FERMT3: variants seen among roughly 807,000 people sequenced by gnomAD.
The protein encoded by FERMT3 is FERM domain containing kindlin 3.
In FERMT3, 33 loss-of-function variants were observed where a neutral mutation model predicts 80.8. The observed-to-expected ratio is 0.41, with a 90% CI of 0.31 to 0.55. FERMT3 has a LOEUF of 0.55. Ranked by LOEUF, FERMT3 falls within the 20% of genes least tolerant of loss-of-function variation. FERMT3 has a pLI of 0.31. For synonymous variants in FERMT3, 375 were observed against 372.2 expected (o/e 1.01, Z -0.09); for missense variants, 754 against 908.7 (o/e 0.83, Z 2.19).
Position 64,219,613 on chromosome 11 carries a change from C to A in FERMT3, c.984C>A (p.Ser328Arg), listed in dbSNP as rs1370150660. 2 of 1,612,992 alleles carry A rather than the reference C, an allele frequency of 1.2e-6. No homozygotes were observed. Among genetic ancestry groups the A allele is most frequent in the Non-Finnish European group, 1.7e-6 (2 of 1,179,978 alleles). ...PGLDDLDVALSNLEVKLEGSA... is the reference protein window; with the variant it reads ...PGLDDLDVALRNLEVKLEGSA... ...TGGACGACCTGGATGTGGCCCTGAG[C>A]AACCTGGAGGTGAAGCTGGAGGGGT... is the stretch of plus-strand genomic sequence containing the variant. Residue 328 changes from serine (S) to arginine (R), a missense_variant, in exon 8 of 15, where the codon AGC becomes AGA. Ser to Arg is a moderately radical substitution (Grantham distance 110). Coordinates refer to ENST00000345728, the MANE Select transcript of FERMT3 (RefSeq NM_031471.6). The surrounding 1 kb of genome is among the most constrained non-coding windows in gnomAD (Gnocchi z 4.0).
chr11:64,221,826 CTG>C (rs1223261367), intron 13 of FERMT3, among the ~76,000 whole-genome samples: 1 of 152,034 alleles, frequency 6.6e-6, no homozygotes, highest in Non-Finnish European at 1.5e-5. Flanking sequence ...ACTCAGGAGA[CTG>C]AGGCAGGAGA....
At chr11:64,214,824 G>C (rs563113613) in intron 6 of FERMT3, among the ~76,000 whole-genome samples, 1 of 144,140 alleles carries the variant, frequency 6.9e-6, no homozygotes, top group East Asian at 2.1e-4. Flanking sequence ...TTTTTTGAGA[G>C]GGAGTTTCAT....
Position 64,211,786 on chromosome 11 carries a change from G to A in FERMT3, c.786+39G>A. The A allele has an allele frequency of 1.3e-6, 2 of 1,588,096 alleles. No homozygotes were observed. Among genetic ancestry groups the A allele is most frequent in the East Asian group, 2.2e-5 (1 of 44,758 alleles). On this transcript the variant is annotated intron_variant, in intron 6 of 14. Coordinates refer to ENST00000345728, the MANE Select transcript of FERMT3 (RefSeq NM_031471.6). The surrounding 1 kb of genome is among the most constrained non-coding windows in gnomAD (Gnocchi z 4.7). ...GGGAGAAAGCGGGCCTCAGGTCCAT[G>A]AGATGTGGAGACCTAGGGCCTGGGG...
In FERMT3 at chr11:64,210,292, G is replaced by T. The variant is rs36095472; in HGVS notation, c.161-319G>T. Among the ~76,000 whole-genome samples the T allele has an allele frequency of 6.2e-3, 891 of 142,934 alleles. 14 individuals are homozygous for T. The highest frequency in any genetic ancestry group is 0.02 in the African/African-American group (830 of 40,576). 93.8% of individuals were successfully genotyped at this position (142,934 alleles called of 152,430 possible). A position where few individuals can be genotyped will look rare whatever the true frequency, so the allele number is the denominator to read the frequency against. On this transcript the variant is annotated intron_variant, in intron 2 of 14. Coordinates refer to ENST00000345728, the MANE Select transcript of FERMT3 (RefSeq NM_031471.6). This position sits in a 1 kb window ranked among gnomAD's most constrained non-coding sequence, Gnocchi z 4.3. ...CCGTGGATTATGGGAGGACAGAGGG[G>T]GCGTCATGTGGAGGGAGCCCAGTGG... is the stretch of plus-strand genomic sequence containing the variant.
At chr11:64,207,668 C>T (rs1946343318) in intron 2 of FERMT3, 144 bp downstream of exon 2, 1 of 1,010,088 alleles carries the variant, frequency 9.9e-7, no homozygotes, top group Non-Finnish European at 1.4e-6. Context: ...CATTTGGTTC[C>T]AAAAAAGACA....
At chr11:64,208,850 T>C (rs971459734) in intron 2 of FERMT3, among the ~76,000 whole-genome samples, 1 of 152,018 alleles carries the variant, frequency 6.6e-6, no homozygotes, top group African/African-American at 2.4e-5. Flanking sequence ...CCCGAAGGCC[T>C]CCAGAAGGGG....
At position 64,207,596 on chromosome 11, in the gene FERMT3, G is replaced by A. The variant is rs188350808; in HGVS notation, c.160+72G>A. 109 of 1,535,322 alleles carry A rather than the reference G, an allele frequency of 7.1e-5. 1 individual carries two copies. In the South Asian group the frequency reaches 1.1e-3, roughly 15 times the overall value. ...GCCACGGGTGTCTCTGGGCACTTCC[G>A]GGCCATCCCTGCTGCTCAGCTCCCG... is the stretch of plus-strand genomic sequence containing the variant. On this transcript the variant is annotated intron_variant, in intron 2 of 14. Coordinates refer to ENST00000345728, the MANE Select transcript of FERMT3 (RefSeq NM_031471.6).
chr11:64,215,901 G>C (rs1035852735), intron 6 of FERMT3, among the ~76,000 whole-genome samples: 1 of 151,152 alleles, frequency 6.6e-6, no homozygotes, highest in Non-Finnish European at 1.5e-5. Context: ...GTACGATCTC[G>C]GCTTACTGCA....
chr11:64,211,167 T>C lies in FERMT3; in HGVS notation c.510T>C (p.Ala170=), dbSNP rs1358313298. The change falls in exon 4 of 15, where the codon GCT becomes GCC. Residue 170 remains alanine (A), a synonymous_variant. Transcript: ENST00000345728. The surrounding 1 kb of genome is among the most constrained non-coding windows in gnomAD (Gnocchi z 4.7). ...ATGACTTGAGCAAGGTTGTCTTGGC[T>C]GGGGGTGAGTGCAAGTGGGGGTGGG... The part of the protein sequence containing the change: ...ELYDLSKVVL[A]GGVAPALFRG... 7 of 618,090 alleles carry C rather than the reference T, an allele frequency of 1.1e-5. No homozygotes were observed. The highest frequency in any genetic ancestry group is 1.4e-5 in the Non-Finnish European group (7 of 502,656). The allele number at this position is 618,090 out of a possible 1,614,324, so 38.3% of individuals were successfully genotyped here. A position where few individuals can be genotyped will look rare whatever the true frequency, so the allele number is the denominator to read the frequency against.
chr11:64,223,281 A>G, intron 14 of FERMT3, 32 bp from the exon 15 acceptor site: 2 of 1,613,314 alleles, frequency 1.2e-6, no homozygotes, highest in South Asian at 2.2e-5. Context: ...CCCTTATCCC[A>G]CCCACCATTT....
At position 64,211,152 on chromosome 11, in the gene FERMT3, C is replaced by T; in HGVS notation, c.495C>T (p.Ser165=). 6.6e-7 allele frequency: 1 copy of T among 1,522,090 alleles called. No individual in the cohort carries two copies. The highest frequency in any genetic ancestry group is 8.8e-7 in the Non-Finnish European group (1 of 1,133,004). The allele number at this position is 1,522,090 out of a possible 1,614,324, so 94.3% of individuals were successfully genotyped here. ...CAGAGGAAGAGCTCTATGACTTGAG[C>T]AAGGTTGTCTTGGCTGGGGGTGAGT... ...KEPEEELYDL[S]KVVLAGGVAP... The change falls in exon 4 of 15, where the codon AGC becomes AGT. Residue 165 remains serine (S), a synonymous_variant. Coordinates refer to ENST00000345728, the MANE Select transcript of FERMT3 (RefSeq NM_031471.6). The surrounding 1 kb of genome is among the most constrained non-coding windows in gnomAD (Gnocchi z 4.7).
In FERMT3 at chr11:64,211,583, C is replaced by G; in HGVS notation, c.684-62C>G. 1 of 1,563,802 alleles carries G rather than the reference C, an allele frequency of 6.4e-7. No individual in the cohort carries two copies. Among genetic ancestry groups the G allele is most frequent in the Non-Finnish European group, 8.7e-7 (1 of 1,150,452 alleles). ...GTGTGCTTGTCCCCCCAGCCCAGCC[C>G]CCCTCCCCACCCCACGGCCGTACCT... On this transcript the variant is annotated intron_variant, in intron 5 of 14. Transcript: ENST00000345728. The surrounding 1 kb of genome is among the most constrained non-coding windows in gnomAD (Gnocchi z 4.7).
intron 13 of FERMT3, among the ~76,000 whole-genome samples, chr11:64,222,076 T>C (rs1254356176): frequency 6.6e-6 from 1 of 150,768 alleles, no homozygotes; most frequent in Non-Finnish European, 1.5e-5. Flanking sequence ...CTGTATCTAC[T>C]AAAAATACAA....
In FERMT3 at chr11:64,209,240, A is replaced by G. The variant is rs370362597; in HGVS notation, c.161-1371A>G. ...GCTCCAAAAGCCGAGACCAGGAGTC[A>G]TGGTGCTTACAGTCCCAGTGTCAGC... On this transcript the variant is annotated intron_variant, in intron 2 of 14. Transcript: ENST00000345728. Among the ~76,000 whole-genome samples the G allele has an allele frequency of 1.9e-4, 29 of 152,326 alleles. No homozygotes were observed. In the East Asian group the frequency reaches 3.5e-3, roughly 18 times the overall value.
intron 6 of FERMT3, among the ~76,000 whole-genome samples, chr11:64,212,455 G>A (rs578153295): frequency 6.6e-6 from 1 of 152,194 alleles, no homozygotes; most frequent in South Asian, 2.1e-4. Flanking sequence ...TCACTCCTTG[G>A]CCATGGCTAT....
rs764269977 is a variant in FERMT3 at position 64,219,990 on chromosome 11, C to G, written c.1179C>G (p.Asp393Glu). Residue 393 changes from aspartate (D) to glutamate (E), a missense_variant, in exon 10 of 15, where the codon GAC becomes GAG. Transcript: ENST00000345728. The surrounding 1 kb of genome is among the most constrained non-coding windows in gnomAD (Gnocchi z 4.0). ...AGAGCCAGGACGAGGCCCCTGGGGA[C>G]CCCATTCAGCAGCTCAACCTCAAGG... is the stretch of plus-strand genomic sequence containing the variant. ...YYKSQDEAPGDPIQQLNLKGC... is the reference protein window; with the variant it reads ...YYKSQDEAPGEPIQQLNLKGC... The G allele has an allele frequency of 6.2e-7, 1 of 1,613,634 alleles. No homozygotes were observed. The highest frequency in any genetic ancestry group is 2.2e-5 in the East Asian group (1 of 44,858).
Position 64,223,647 on chromosome 11 carries a change from G to A in FERMT3, c.*155G>A. The A allele has an allele frequency of 1.0e-6, 1 of 979,376 alleles. No homozygotes were observed. Among genetic ancestry groups the A allele is most frequent in the South Asian group, 1.5e-5 (1 of 68,100 alleles). The allele number at this position is 979,376 out of a possible 1,614,324, so 60.7% of individuals were successfully genotyped here. ...TGACTTTGTGCAGGCCAAGGACCTGGCAGGGCCAGACGCTGTACCATCACC... is the reference window on the plus strand; with the variant it reads ...TGACTTTGTGCAGGCCAAGGACCTGACAGGGCCAGACGCTGTACCATCACC... On this transcript the variant is annotated 3_prime_UTR_variant, in exon 15 of 15. Transcript: ENST00000345728.
At chr11:64,218,021 T>TG (rs1555047598) in intron 6 of FERMT3, among the ~76,000 whole-genome samples, 2 of 148,994 alleles carry the variant, frequency 1.3e-5, no homozygotes, top group East Asian at 1.9e-4. Context: ...TTTTTTTTTT[T>TG]GTGACGGAGT....
Position 64,223,522 on chromosome 11 carries a change from C to A in FERMT3, c.*30C>A. The stretch of plus-strand genomic sequence containing the variant: ...TGTCTGATTGCCCCTGCCCTGCTCA[C>A]CACCCTGTCACAGCCACTCCCAAGC... On this transcript the variant is annotated 3_prime_UTR_variant, in exon 15 of 15. Coordinates refer to ENST00000345728, the MANE Select transcript of FERMT3 (RefSeq NM_031471.6). 1 of 1,542,682 alleles carries A rather than the reference C, an allele frequency of 6.5e-7. No homozygotes were observed. Among genetic ancestry groups the A allele is most frequent in the East Asian group, 2.3e-5 (1 of 43,426 alleles).
Sources: allele counts gnomAD v4.1 joint callset (sites outside exome capture counted in the v4.1 genomes callset), GRCh38; gene constraint gnomAD v4.1.1; non-coding constraint Gnocchi (gnomAD v3.1); transcripts MANE v1.5; gene names NCBI Gene and HGNC (gene_info 2026-07-23, HGNC 2026-07-21).